Variants in USP6 observed in about 807,000 individuals in gnomAD.
The protein encoded by USP6 is ubiquitin carboxyl-terminal hydrolase 6.
USP6 carries 128 observed loss-of-function variants against 175.7 expected under a neutral mutation model. That is an observed-to-expected ratio of 0.73 (90% confidence interval 0.63 to 0.84). The LOEUF (loss-of-function observed/expected upper bound fraction) is 0.84, where lower values mean the gene tolerates loss of function less well. USP6 is among the 40% of genes least tolerant of loss of function. USP6 has a pLI of 0.00. For missense variants in USP6, 1,498 were observed against 1,760.3 expected (o/e 0.85, Z 2.67); for synonymous variants, 562 against 630.6 (o/e 0.89, Z 1.63).
intron 28 of USP6, 122 bp downstream of exon 28, chr17:5,146,296 GAAC>G (rs202147773): frequency 1.5e-6 from 2 of 1,338,028 alleles, no homozygotes; most frequent in African/African-American, 1.5e-5. Context: ...AACGAAAACT[GAAC>G]AACAACAAAA....
chr17:5,158,497 G>A (rs185899846), intron 31 of USP6, among the ~76,000 whole-genome samples: 34 of 151,942 alleles, frequency 2.2e-4, no homozygotes, highest in Non-Finnish European at 4.3e-4. Context: ...AACCCTGGAG[G>A]TGGAAGTTGC....
chr17:5,130,426 T>G lies in USP6; in HGVS notation c.59T>G (p.Met20Arg). ...GCACAGGAGCGGAAGGACATACTTA[T>G]GAAGTATGACAAGGTACAGTTCGGT... ...LQAQERKDILMKYDKGHRAGL... is the reference protein window; with the variant it reads ...LQAQERKDILRKYDKGHRAGL... Residue 20 changes from methionine to arginine, a missense_variant, in exon 10 of 38, where the codon ATG (methionine) becomes AGG (arginine). Physicochemically the swap from Met to Arg is moderately conservative, Grantham distance 91. Transcript: ENST00000574788. 1 of 1,614,090 alleles carries G rather than the reference T, an allele frequency of 6.2e-7. No homozygotes were observed. The highest frequency in any genetic ancestry group is 8.5e-7 in the Non-Finnish European group (1 of 1,179,974).
rs199733076 is a variant in USP6 at position 5,144,691 on chromosome 17, G to A, written c.1820G>A (p.Arg607Gln). 156 of 1,613,014 alleles carry A rather than the reference G, an allele frequency of 9.7e-5. No homozygotes were observed. The highest frequency in any genetic ancestry group is 1.6e-4 in the Middle Eastern group (1 of 6,076). The change falls in exon 26 of 38, where the codon CGG becomes CAG. Residue 607 changes from arginine (R) to glutamine (Q), a missense_variant and splice_region_variant. By Grantham distance (43) the Arg-to-Gln change is conservative. Coordinates refer to ENST00000574788, the MANE Select transcript of USP6 (RefSeq NM_001304284.2). ...CTGTGACTTCTCTTATATTTATAGC[G>A]GACCATAGCAAAATATGCTCCCAAG... ...QKSVAPLKLRRTIAKYAPKFD... is the reference protein window; with the variant it reads ...QKSVAPLKLRQTIAKYAPKFD...
At chr17:5,172,764 T>C (rs2074255005) in intron 37 of USP6, 41 bp from the exon 38 acceptor site, 1 of 1,609,748 alleles carries the variant, frequency 6.2e-7, no homozygotes, top group South Asian at 1.1e-5. Context: ...AGAGTCATAA[T>C]AGTGATGGCT....
rs188493357 is a variant in USP6, at chr17:5,119,771, C to T, written c.-1836-856C>T. On this transcript the variant is annotated intron_variant, in intron 2 of 37. Coordinates refer to ENST00000574788, the MANE Select transcript of USP6 (RefSeq NM_001304284.2). ...AACAAGGAACTTCTGCCCAGCACTACAAGTGACTCACAGCCATCATCTCAG... is the reference window on the plus strand; with the variant it reads ...AACAAGGAACTTCTGCCCAGCACTATAAGTGACTCACAGCCATCATCTCAG... Among the ~76,000 whole-genome samples the T allele has an allele frequency of 2.6e-4, 39 of 152,304 alleles. No individual in the cohort carries two copies. In the East Asian group the frequency reaches 7.1e-3, roughly 28 times the overall value.
chr17:5,151,835 T>C (rs2073780532), intron 30 of USP6, among the ~76,000 whole-genome samples: 1 of 152,170 alleles, frequency 6.6e-6, no homozygotes, highest in Non-Finnish European at 1.5e-5. Flanking sequence ...AGGTGGTCTA[T>C]AGAGCTAAAT....
rs954378537 is a variant in USP6, at chr17:5,116,510, G to C, written c.-2158G>C. On this transcript the variant is annotated 5_prime_UTR_variant, in exon 1 of 38. Transcript: ENST00000574788. ...AGCCGACGAAAGGGAAAAGGCCAGTGCCTGTCCGGGAAGAGCTCAGCCTAG... is the reference window on the plus strand; with the variant it reads ...AGCCGACGAAAGGGAAAAGGCCAGTCCCTGTCCGGGAAGAGCTCAGCCTAG... The C allele has an allele frequency of 6.6e-6, 1 of 152,370 alleles. No homozygotes were observed. The highest frequency in any genetic ancestry group is 1.5e-5 in the Non-Finnish European group (1 of 68,136). The allele number at this position is 152,370 out of a possible 1,614,324, so 9.4% of individuals were successfully genotyped here.
At chr17:5,119,646 T>C (rs1434795541) in intron 2 of USP6, among the ~76,000 whole-genome samples, 3 of 152,174 alleles carry the variant, frequency 2.0e-5, no homozygotes, top group South Asian at 4.1e-4. Flanking sequence ...ATTTGTCCCT[T>C]GAGGCTCAGC....
intron 15 of USP6, 58 bp downstream of exon 15, chr17:5,134,054 G>A (rs1448618280): frequency 1.3e-6 from 2 of 1,553,766 alleles, no homozygotes; most frequent in African/African-American, 2.7e-5. Flanking sequence ...GAGGGATGGG[G>A]ACTTCCCCGG....
At position 5,139,316 on chromosome 17, in the gene USP6, C is replaced by T. The variant is rs781688917; in HGVS notation, c.1140C>T (p.Thr380=). 3.1e-6 allele frequency: 5 copies of T among 1,610,740 alleles called. No individual in the cohort carries two copies. Among genetic ancestry groups the T allele is most frequent in the South Asian group, 1.1e-5 (1 of 91,074 alleles). The change falls in exon 22 of 38, where the codon ACC becomes ACT. Residue 380 remains threonine, a synonymous_variant. Transcript: ENST00000574788. ...RPVPASRGGK[T]LCKGYRQAPP... ...TGCCGGCTTCACGTGGTGGGAAGACCCTCTGCAAGGGGTATAGGCAGGCCC... is the reference window on the plus strand; with the variant it reads ...TGCCGGCTTCACGTGGTGGGAAGACTCTCTGCAAGGGGTATAGGCAGGCCC...
chr17:5,166,095 C>G (rs1183952441), intron 33 of USP6, among the ~76,000 whole-genome samples: 1 of 152,090 alleles, frequency 6.6e-6, no homozygotes, highest in African/African-American at 2.4e-5. Context: ...TCTACTCATT[C>G]CAACAACGAT....
At chr17:5,152,075 C>G (rs1189216450) in intron 30 of USP6, among the ~76,000 whole-genome samples, 1 of 151,980 alleles carries the variant, frequency 6.6e-6, no homozygotes, top group African/African-American at 2.4e-5. Context: ...AACTCCGTCT[C>G]TACTAAAAAT....
rs544702911 is a variant in USP6 at position 5,132,068 on chromosome 17, C to T, written c.156-328C>T. On this transcript the variant is annotated intron_variant, in intron 11 of 37. Coordinates refer to ENST00000574788, the MANE Select transcript of USP6 (RefSeq NM_001304284.2). The surrounding 1 kb of genome is among the most constrained non-coding windows in gnomAD (Gnocchi z 4.7). ...CGCCCATGCTGGGTGGCCCCCATCC[C>T]ATCTCAGGGCTAACCTTTCTCAGCT... 12 of 853,394 alleles carry T rather than the reference C, an allele frequency of 1.4e-5. No individual in the cohort carries two copies. The highest frequency in any genetic ancestry group is 8.7e-5 in the African/African-American group (5 of 57,670). The allele number at this position is 853,394 out of a possible 1,614,324, so 52.9% of individuals were successfully genotyped here.
Position 5,129,996 on chromosome 17 carries a change from G to T in USP6, c.-95G>T. ...GAGGCCGATCGTACAGAGACCTCTGGTGCCTGACCGCAGTTCACATCCACA... is the reference window on the plus strand; with the variant it reads ...GAGGCCGATCGTACAGAGACCTCTGTTGCCTGACCGCAGTTCACATCCACA... On this transcript the variant is annotated 5_prime_UTR_variant, in exon 9 of 38. Transcript: ENST00000574788. 3.5e-6 allele frequency: 1 copy of T among 287,112 alleles called. No homozygotes were observed. The highest frequency in any genetic ancestry group is 4.0e-5 in the South Asian group (1 of 25,124). The allele number at this position is 287,112 out of a possible 1,614,324, so 17.8% of individuals were successfully genotyped here. A position where few individuals can be genotyped will look rare whatever the true frequency, so the allele number is the denominator to read the frequency against.
intron 30 of USP6, among the ~76,000 whole-genome samples, chr17:5,154,662 A>T (rs549962873): frequency 2.0e-5 from 3 of 152,192 alleles, no homozygotes; most frequent in Non-Finnish European, 4.4e-5. Context: ...TTGCCACTCC[A>T]ACAACCACTA....
In USP6 at chr17:5,162,970, C is replaced by CA. The variant is rs1357531981; in HGVS notation, c.3002_3003insA (p.Leu1002ProfsTer15). 1.3e-6 allele frequency: 2 copies of CA among 1,595,360 alleles called. No homozygotes were observed. Among genetic ancestry groups the CA allele is most frequent in the African/African-American group, 2.7e-5 (2 of 73,650 alleles). On this transcript the variant is annotated frameshift_variant, in exon 33 of 38. Coordinates refer to ENST00000574788, the MANE Select transcript of USP6 (RefSeq NM_001304284.2). LOFTEE classifies it high-confidence loss of function. ...ATTGCTGTGGATTGGCACCCCACAG[C>CA]CCTTCACCTTCGCTATCAAACATCC...
chr17:5,150,767 A>G lies in USP6; in HGVS notation c.2643+2000A>G, dbSNP rs549668264. On this transcript the variant is annotated intron_variant, in intron 30 of 37. Transcript: ENST00000574788. ...CTCGCCCTCCCGAAGTGCTGGGTTT[A>G]CAGGTGTGAACCACTGCACCCAGCC... 3.3e-5 allele frequency among the ~76,000 whole-genome samples: 5 copies of G among 152,212 alleles called. No individual in the cohort carries two copies. In the East Asian group the frequency reaches 9.7e-4, roughly 29 times the overall value.
intron 25 of USP6, 78 bp downstream of exon 25, chr17:5,142,580 GT>G: frequency 1.3e-6 from 2 of 1,499,058 alleles, no homozygotes; most frequent in Admixed American, 4.4e-5. Context: ...TGTTTTTTGT[GT>G]TTAGCCTTTT....
chr17:5,156,971 C>T (rs535495237), intron 31 of USP6, among the ~76,000 whole-genome samples: 1 of 152,042 alleles, frequency 6.6e-6, no homozygotes, highest in Admixed American at 6.6e-5. Context: ...CTCAAGTGAT[C>T]CATCTACCTC....
Sources: allele counts gnomAD v4.1 joint callset (sites outside exome capture counted in the v4.1 genomes callset), GRCh38; gene constraint gnomAD v4.1.1; non-coding constraint Gnocchi (gnomAD v3.1); transcripts MANE v1.5; gene names NCBI Gene and HGNC (gene_info 2026-07-23, HGNC 2026-07-21).